RAB1A: variants seen among roughly 807,000 people sequenced by gnomAD.
RAB1A encodes RAB1A, member RAS oncogene family.
A neutral mutation model predicts 26.0 loss-of-function variants in RAB1A; 2 were observed. The ratio of observed to expected loss-of-function variants is 0.08; its 90% confidence interval spans 0.03 to 0.24. The LOEUF is 0.24. RAB1A is among the 10% of genes least tolerant of loss of function. The probability of loss-of-function intolerance (pLI) is 1.00; values close to 1 mark genes in which losing one functional copy is unlikely to be tolerated. For missense variants in RAB1A, 100 were observed against 247.0 expected (o/e 0.40, Z 3.99); for synonymous variants, 84 against 84.9 (o/e 0.99, Z 0.06).
chr2:65,106,403 T>C, intron 1 of RAB1A: 1 of 355,930 alleles, frequency 2.8e-6, no homozygotes, highest in Non-Finnish European at 5.5e-6. Flanking sequence ...AACTTATTTT[T>C]TTTGTTTTAA....
At chr2:65,126,748 T>C (rs561671592) in intron 1 of RAB1A, among the ~76,000 whole-genome samples, 1 of 152,336 alleles carries the variant, frequency 6.6e-6, no homozygotes, top group Non-Finnish European at 1.5e-5. Context: ...AAAGTTTTAA[T>C]TGAAGAGAAA....
intron 1 of RAB1A, among the ~76,000 whole-genome samples, chr2:65,107,305 T>TCTG (rs1235131602): frequency 2.6e-5 from 4 of 151,694 alleles, no homozygotes; most frequent in Non-Finnish European, 5.9e-5. Context: ...CCTCAGGTAA[T>TCTG]CTGCTCACCT....
intron 1 of RAB1A, among the ~76,000 whole-genome samples, chr2:65,129,568 G>T (rs967242401): frequency 1.3e-5 from 2 of 149,330 alleles, no homozygotes; most frequent in Non-Finnish European, 3.0e-5. Context: ...TCCTTCAAAA[G>T]TCACTGCCTC....
At chr2:65,112,147 A>ATTTT (rs371108447) in intron 1 of RAB1A, among the ~76,000 whole-genome samples, 1 of 142,376 alleles carries the variant, frequency 7.0e-6, no homozygotes, top group Non-Finnish European at 1.5e-5. Context: ...CTAGCTCATG[A>ATTTT]TTTTTTTTTT....
intron 3 of RAB1A, among the ~76,000 whole-genome samples, chr2:65,092,719 T>G (rs1669200204): frequency 6.6e-6 from 1 of 152,192 alleles, no homozygotes; most frequent in Non-Finnish European, 1.5e-5. Context: ...GCTCAAGTGT[T>G]CCTCCTGCCT....
At chr2:65,098,212 A>G (rs1381127028) in intron 2 of RAB1A, 146 bp from the exon 3 acceptor site, 2 of 505,606 alleles carry the variant, frequency 4.0e-6, no homozygotes, top group East Asian at 3.3e-5. Flanking sequence ...TGAAATGTAT[A>G]AAGTATAACA....
intron 1 of RAB1A, among the ~76,000 whole-genome samples, chr2:65,129,186 A>G (rs2103895270): frequency 6.8e-6 from 1 of 147,918 alleles, no homozygotes; most frequent in South Asian, 2.2e-4. Context: ...AAAATGACTT[A>G]GGTGTCCTCT....
chr2:65,109,889 T>A (rs1445825515), intron 1 of RAB1A, among the ~76,000 whole-genome samples: 2 of 152,186 alleles, frequency 1.3e-5, no homozygotes, highest in Non-Finnish European at 2.9e-5. Context: ...GGGGTCTGTG[T>A]TTCTCCACCC....
At chr2:65,105,474 C>A (rs1196639969) in intron 1 of RAB1A, 1 of 133,710 alleles carries the variant, frequency 7.5e-6, no homozygotes, top group Non-Finnish European at 1.5e-5. Context: ...CACTGCATTC[C>A]AGCTCCAGCC....
intron 1 of RAB1A, among the ~76,000 whole-genome samples, chr2:65,129,197 T>TAA (rs1670176301): frequency 7.3e-6 from 1 of 137,786 alleles, no homozygotes; most frequent in Non-Finnish European, 1.6e-5. Context: ...GGTGTCCTCT[T>TAA]TAAAAAAAAA....
At chr2:65,110,118 A>G (rs1279401058) in intron 1 of RAB1A, among the ~76,000 whole-genome samples, 1 of 152,196 alleles carries the variant, frequency 6.6e-6, no homozygotes, top group Non-Finnish European at 1.5e-5. Flanking sequence ...ATTAGGGGGA[A>G]AAAATGATGA....
At chr2:65,088,807 C>A in intron 5 of RAB1A, 117 bp from the exon 6 acceptor site, 2 of 1,313,434 alleles carry the variant, frequency 1.5e-6, no homozygotes, top group East Asian at 5.0e-5. Flanking sequence ...CAAACAGATG[C>A]TACACAAATT....
At position 65,088,972 on chromosome 2, in the gene RAB1A, G is replaced by A; in HGVS notation, c.387C>T (p.Thr129=). The A allele has an allele frequency of 6.2e-7, 1 of 1,607,648 alleles. No homozygotes were observed. Among genetic ancestry groups the A allele is most frequent in the East Asian group, 2.2e-5 (1 of 44,810 alleles). ...KLLVGNKCDL[T]TKKVVDYTTA... Reference sequence around the variant, plus strand: ...TTGTGTAGTCTACTACTTTCTTTGTGGTCAGATCACATTTGTTCCCTACCA... The same window carrying A: ...TTGTGTAGTCTACTACTTTCTTTGTAGTCAGATCACATTTGTTCCCTACCA... The change falls in exon 5 of 6, where the codon ACC becomes ACT. Residue 129 remains threonine (T), a synonymous_variant. Coordinates refer to ENST00000409784, the MANE Select transcript of RAB1A (RefSeq NM_004161.5).
In RAB1A at chr2:65,124,887, T is replaced by C. The variant is rs910031185; in HGVS notation, c.23+5006A>G. ...AAGAATTACAGATGGTGATATTCTA[T>C]AGACATTTAAAAAATCATATTCTGG... On this transcript the variant is annotated intron_variant, in intron 1 of 5. Coordinates refer to ENST00000409784, the MANE Select transcript of RAB1A (RefSeq NM_004161.5). 9.2e-5 allele frequency among the ~76,000 whole-genome samples: 14 copies of C among 152,220 alleles called. 1 individual carries two copies. The highest frequency in any genetic ancestry group is 7.2e-4 in the Admixed American group (11 of 15,266).
At chr2:65,096,013 T>C (rs1205715458) in intron 3 of RAB1A, among the ~76,000 whole-genome samples, 1 of 151,266 alleles carries the variant, frequency 6.6e-6, no homozygotes, top group African/African-American at 2.4e-5. Flanking sequence ...ATTAGCAGGG[T>C]GTGGTGGCGC....
intron 1 of RAB1A, among the ~76,000 whole-genome samples, chr2:65,127,103 G>C (rs1670117599): frequency 6.6e-6 from 1 of 152,098 alleles, no homozygotes; most frequent in Non-Finnish European, 1.5e-5. Context: ...CCATGTATTT[G>C]ATCCCAGAAA....
At chr2:65,129,628 T>G (rs1670190290) in intron 1 of RAB1A, among the ~76,000 whole-genome samples, 1 of 144,646 alleles carries the variant, frequency 6.9e-6, no homozygotes, top group Non-Finnish European at 1.5e-5. Flanking sequence ...GCAGGCTTCC[T>G]CAGCACCCGC....
chr2:65,119,897 A>AGAGTAAGT (rs1260352539), intron 1 of RAB1A, among the ~76,000 whole-genome samples: 44 of 151,080 alleles, frequency 2.9e-4, no homozygotes, highest in African/African-American at 9.7e-4. Context: ...AATAAAAAAG[A>AGAGTAAGT]GAGTAAGTTA....
intron 2 of RAB1A, among the ~76,000 whole-genome samples, chr2:65,100,974 C>T (rs1338183661): frequency 7.9e-5 from 12 of 151,726 alleles, no homozygotes; most frequent in Admixed American, 7.9e-4. Context: ...GGTGAAACCC[C>T]ATCTCTACTA....
Sources: gnomAD v4.1 joint callset for allele counts (sites outside exome capture counted in the v4.1 genomes callset) on GRCh38, gnomAD v4.1.1 for gene constraint, MANE v1.5 for transcripts, NCBI Gene and HGNC (gene_info 2026-07-23, HGNC 2026-07-21) for gene names.